The following ZDHHC11B variants were observed in gnomAD, a reference collection of about 807,000 sequenced individuals.
The protein encoded by ZDHHC11B is probable palmitoyltransferase ZDHHC11B.
ZDHHC11B carries 17 observed loss-of-function variants against 42.3 expected under a neutral mutation model. The observed-to-expected ratio is 0.40, with a 90% CI of 0.27 to 0.60. The LOEUF is 0.60. Ranked by LOEUF, ZDHHC11B falls within the 20% of genes least tolerant of loss-of-function variation. ZDHHC11B has a pLI of 0.41. For missense variants in ZDHHC11B, 262 were observed against 463.2 expected, an observed-to-expected ratio of 0.57 and a Z score of 3.99; for synonymous variants, 123 against 193.5, an observed-to-expected ratio of 0.64 and a Z score of 3.02.
rs1369901999 is a variant in ZDHHC11B at position 768,843 on chromosome 5, CTTCTCTCGTCTT to C, written c.-154_-143del. 4 of 452,792 alleles carry C rather than the reference CTTCTCTCGTCTT, an allele frequency of 8.8e-6. No individual in the cohort carries two copies. Among genetic ancestry groups the C allele is most frequent in the Admixed American group, 4.2e-5 (1 of 23,884 alleles). The allele number at this position is 452,792 out of a possible 1,614,324, so 28.0% of individuals were successfully genotyped here. ...CGGGACTATGGATTTACCTTTGTTTCTTCTCTCGTCTTTGAAGCCCAGCGTGGTGAAGCCTGG... is the reference window on the plus strand; with the variant it reads ...CGGGACTATGGATTTACCTTTGTTTCTGAAGCCCAGCGTGGTGAAGCCTGG... On this transcript the variant is annotated 5_prime_UTR_variant, in exon 2 of 14. Coordinates refer to ENST00000508859, the MANE Select transcript of ZDHHC11B (RefSeq NM_001351303.2).
chr5:729,439 T>A (rs2126997140), intron 12 of ZDHHC11B, among the ~76,000 whole-genome samples: 1 of 150,690 alleles, frequency 6.6e-6, no homozygotes, highest in African/African-American at 2.4e-5. Context: ...TGGGGCCGGC[T>A]GGGACTCCCT....
At chr5:770,089 T>C (rs1313374998) in intron 1 of ZDHHC11B, among the ~76,000 whole-genome samples, 4 of 151,590 alleles carry the variant, frequency 2.6e-5, no homozygotes, top group South Asian at 2.1e-4. Context: ...TTGGCAGCTT[T>C]GGCAGGCTTG....
At position 718,810 on chromosome 5, in the gene ZDHHC11B, G is replaced by C. The variant is rs1459188535; in HGVS notation, c.1059-1945C>G. ...TTCTTAGTCTTCCTGTGGCTATAAG[G>C]GCAGCAACCTACATTCTTGGAGCAG... On this transcript the variant is annotated intron_variant, in intron 12 of 13. Coordinates refer to ENST00000508859, the MANE Select transcript of ZDHHC11B (RefSeq NM_001351303.2). Among the ~76,000 whole-genome samples the C allele has an allele frequency of 4.6e-5, 7 of 151,882 alleles. No homozygotes were observed. The East Asian group carries it at 1.4e-3, about 29-fold the overall frequency.
chr5:711,218 G>C lies in ZDHHC11B; in HGVS notation c.*1072C>G, dbSNP rs112677584. On this transcript the variant is annotated 3_prime_UTR_variant, in exon 14 of 14. Transcript: ENST00000508859. Reference sequence around the variant, plus strand: ...CAGTGCTGTGCCCTCCCCTTTCCCAGTACTGTGCTCCCATTTCCCAATACT... The same window carrying C: ...CAGTGCTGTGCCCTCCCCTTTCCCACTACTGTGCTCCCATTTCCCAATACT... 20,307 of 149,978 alleles carry C rather than the reference G, an allele frequency of 0.14. 1,419 individuals carry two copies. The highest frequency in any genetic ancestry group is 0.32 in the African/African-American group (12,398 of 38,716). The allele number at this position is 149,978 out of a possible 1,614,324, so 9.3% of individuals were successfully genotyped here.
intron 1 of ZDHHC11B, among the ~76,000 whole-genome samples, chr5:773,233 G>T (rs1334037843): frequency 3.3e-5 from 5 of 151,964 alleles, no homozygotes; most frequent in African/African-American, 1.2e-4. Flanking sequence ...TGCTGTGCCA[G>T]CTGCTTCTCC....
At chr5:777,469 G>C (rs550704398) in intron 1 of ZDHHC11B, among the ~76,000 whole-genome samples, 1 of 93,782 alleles carries the variant, frequency 1.1e-5, no homozygotes, top group Non-Finnish European at 2.2e-5. Flanking sequence ...AAAGCGGCGC[G>C]CACCCAGACT....
intron 1 of ZDHHC11B, among the ~76,000 whole-genome samples, chr5:783,815 AT>A (rs1737047159): frequency 1.4e-5 from 1 of 70,896 alleles, no homozygotes. Flanking sequence ...CCTAAACCCC[AT>A]CAAAACAGCA....
intron 1 of ZDHHC11B, among the ~76,000 whole-genome samples, chr5:771,760 G>A (rs1248646218): frequency 6.6e-6 from 1 of 150,760 alleles, no homozygotes; most frequent in East Asian, 1.9e-4. Context: ...GTGCGGGTCA[G>A]AGAGAAAGAA....
chr5:749,800 A>T lies in ZDHHC11B; in HGVS notation c.629-1241T>A, dbSNP rs1463411638. ...CCCCCACAGGGAGAGCCCAGACAACATGGAGGCTGCTGGGGAAGGTGACTT... is the reference window on the plus strand; with the variant it reads ...CCCCCACAGGGAGAGCCCAGACAACTTGGAGGCTGCTGGGGAAGGTGACTT... On this transcript the variant is annotated intron_variant, in intron 7 of 13. Transcript: ENST00000508859. Among the ~76,000 whole-genome samples, 2 of 118,766 alleles carry T rather than the reference A, an allele frequency of 1.7e-5. 1 individual carries two copies. The highest frequency in any genetic ancestry group is 3.5e-5 in the Non-Finnish European group (2 of 56,370). 77.9% of individuals were successfully genotyped at this position (118,766 alleles called of 152,430 possible).
At chr5:751,546 G>A (rs185405343) in intron 6 of ZDHHC11B, among the ~76,000 whole-genome samples, 1,309 of 71,156 alleles carry the variant, frequency 0.018, 84 homozygotes, top group African/African-American at 0.044. Flanking sequence ...GGCAGGGGTG[G>A]GGGCATGCAG....
intron 9 of ZDHHC11B, among the ~76,000 whole-genome samples, chr5:742,571 A>G (rs1298559658): frequency 6.8e-6 from 1 of 147,716 alleles, no homozygotes; most frequent in Non-Finnish European, 1.5e-5. Flanking sequence ...GTGTGTGCTC[A>G]CTTCAAGCGT....
At chr5:766,153 A>C (rs1345270741) in intron 4 of ZDHHC11B, among the ~76,000 whole-genome samples, 1 of 151,772 alleles carries the variant, frequency 6.6e-6, no homozygotes, top group East Asian at 1.9e-4. Context: ...ATGCGAGCAG[A>C]CACAGGCTCC....
At chr5:784,453 C>T (rs1217780660) in intron 1 of ZDHHC11B, among the ~76,000 whole-genome samples, 3 of 152,244 alleles carry the variant, frequency 2.0e-5, no homozygotes, top group Non-Finnish European at 4.4e-5. Flanking sequence ...TGCAAAGCCT[C>T]CCCGTCGCGT....
chr5:772,313 T>G (rs1265836486), intron 1 of ZDHHC11B, among the ~76,000 whole-genome samples: 6 of 147,478 alleles, frequency 4.1e-5, no homozygotes, highest in East Asian at 2.1e-4. Context: ...GCAAGCAGCA[T>G]GAGATGGCAC....
intron 12 of ZDHHC11B, among the ~76,000 whole-genome samples, chr5:728,755 C>T (rs200963992): frequency 0.11 from 13,641 of 129,084 alleles, 10 homozygotes; most frequent in East Asian, 0.28. Context: ...GACACAGTGA[C>T]TCATGTCTGT....
chr5:769,604 C>T (rs1215100402), intron 1 of ZDHHC11B, among the ~76,000 whole-genome samples: 5 of 151,796 alleles, frequency 3.3e-5, no homozygotes, highest in African/African-American at 2.4e-5. Context: ...GTTCCTCACG[C>T]GAGCCCGCGA....
At chr5:766,343 C>T (rs1735366814) in intron 4 of ZDHHC11B, among the ~76,000 whole-genome samples, 2 of 152,016 alleles carry the variant, frequency 1.3e-5, no homozygotes, top group East Asian at 3.9e-4. Flanking sequence ...GGTCCCCCAC[C>T]TGCTGGGAGA....
intron 8 of ZDHHC11B, among the ~76,000 whole-genome samples, chr5:746,774 C>T (rs1460049118): frequency 1.3e-5 from 2 of 149,648 alleles, no homozygotes; most frequent in African/African-American, 4.9e-5. Context: ...GCTCAGCACA[C>T]AGTGGGCATT....
chr5:761,790 G>A (rs1466561855), intron 4 of ZDHHC11B, among the ~76,000 whole-genome samples: 3 of 137,790 alleles, frequency 2.2e-5, no homozygotes, highest in African/African-American at 8.2e-5. Context: ...CCTTAGGATT[G>A]GGAAGGCCAC....
Sources: gnomAD v4.1 joint callset for allele counts (sites outside exome capture counted in the v4.1 genomes callset) on GRCh38, gnomAD v4.1.1 for gene constraint, MANE v1.5 for transcripts, NCBI Gene and HGNC (gene_info 2026-07-23, HGNC 2026-07-21) for gene names.